Variants in KIAA0319L observed in about 807,000 individuals in gnomAD.
KIAA0319L encodes dyslexia-associated protein KIAA0319-like protein.
Under a neutral mutation model 120.1 loss-of-function variants are expected in KIAA0319L, and 55 were observed. That is an observed-to-expected ratio of 0.46 (90% CI 0.37 to 0.57). KIAA0319L has a LOEUF of 0.57. Ranked by LOEUF, KIAA0319L falls within the 20% of genes least tolerant of loss-of-function variation. The pLI, the probability that KIAA0319L is intolerant of heterozygous loss-of-function variation, is 0.00. For synonymous variants in KIAA0319L, 398 were observed against 471.9 expected, an observed-to-expected ratio of 0.84 and a Z score of 2.03; for missense variants, 1,049 against 1,255.3, an observed-to-expected ratio of 0.84 and a Z score of 2.48.
At chr1:35,469,013 T>C (rs537774526) in intron 6 of KIAA0319L, among the ~76,000 whole-genome samples, 16 of 152,178 alleles carry the variant, frequency 1.1e-4, no homozygotes, top group Non-Finnish European at 1.6e-4. Flanking sequence ...GCACATGGTA[T>C]GAATTCAATA....
Position 35,557,276 on chromosome 1 carries a change from G to A in KIAA0319L, c.-98C>T. The A allele has an allele frequency of 4.8e-6, 1 of 210,414 alleles. No homozygotes were observed. Among genetic ancestry groups the A allele is most frequent in the South Asian group, 5.3e-5 (1 of 19,024 alleles). The allele number at this position is 210,414 out of a possible 1,614,324, so 13.0% of individuals were successfully genotyped here. ...CCGCCTCCTCCTGGTCCATGGGCTC[G>A]GGGACCCCCAACCTTCGCTCCCCTC... is the stretch of plus-strand genomic sequence containing the variant. On this transcript the variant is annotated 5_prime_UTR_variant, in exon 1 of 21. Transcript: ENST00000325722.
At chr1:35,540,400 C>T (rs1482555847) in intron 2 of KIAA0319L, among the ~76,000 whole-genome samples, 1 of 152,190 alleles carries the variant, frequency 6.6e-6, no homozygotes, top group African/African-American at 2.4e-5. Flanking sequence ...AAACCTGATG[C>T]CAAAAGGGCA....
Position 35,506,850 on chromosome 1 carries a change from A to T in KIAA0319L, c.428T>A (p.Leu143Gln), listed in dbSNP as rs1469495379. The T allele has an allele frequency of 6.2e-7, 1 of 1,614,126 alleles. No homozygotes were observed. The highest frequency in any genetic ancestry group is 1.3e-5 in the African/African-American group (1 of 74,940). Residue 143 changes from leucine to glutamine, a missense_variant, in exon 3 of 21, where the codon CTA becomes CAA. Transcript: ENST00000325722. The surrounding 1 kb of genome is among the most constrained non-coding windows in gnomAD (Gnocchi z 4.0). ...KFQTADDLGF[L>Q]PEDDVPHLLG... Reference sequence around the variant, plus strand: ...AAGATGTGGTACATCATCTTCAGGTAGAAAGCCCAAATCATCTGCAGTTTG... The same window carrying T: ...AAGATGTGGTACATCATCTTCAGGTTGAAAGCCCAAATCATCTGCAGTTTG...
intron 3 of KIAA0319L, among the ~76,000 whole-genome samples, chr1:35,493,463 A>G (rs1433738756): frequency 6.6e-6 from 1 of 152,088 alleles, no homozygotes; most frequent in East Asian, 1.9e-4. Flanking sequence ...GCTGGGTGCC[A>G]GTGTACAGAT....
chr1:35,499,889 T>A (rs904765783), intron 3 of KIAA0319L, among the ~76,000 whole-genome samples: 8 of 152,168 alleles, frequency 5.3e-5, no homozygotes, highest in African/African-American at 1.9e-4. Context: ...ATTATCCCTC[T>A]GTGGCTGCCC....
intron 9 of KIAA0319L, 131 bp downstream of exon 9, chr1:35,460,174 A>G: frequency 1.3e-6 from 1 of 751,722 alleles, no homozygotes; most frequent in Non-Finnish European, 2.2e-6. Context: ...AACCAATGGA[A>G]CCAAAAGCTG....
chr1:35,484,655 T>C (rs903404553), intron 3 of KIAA0319L, among the ~76,000 whole-genome samples: 3 of 151,416 alleles, frequency 2.0e-5, no homozygotes, highest in Non-Finnish European at 2.9e-5. Context: ...TATAATTGGC[T>C]AGGACCTCTA....
intron 16 of KIAA0319L, among the ~76,000 whole-genome samples, chr1:35,446,537 T>C (rs1390166144): frequency 6.6e-6 from 1 of 152,176 alleles, no homozygotes; most frequent in African/African-American, 2.4e-5. Flanking sequence ...CTCACTATAG[T>C]TGCACTGATC....
At chr1:35,530,755 A>G (rs1490094529) in intron 2 of KIAA0319L, among the ~76,000 whole-genome samples, 1 of 152,154 alleles carries the variant, frequency 6.6e-6, no homozygotes, top group East Asian at 1.9e-4. Flanking sequence ...TTACAGATGT[A>G]TCTACAGTGT....
chr1:35,460,451 A>G lies in KIAA0319L; in HGVS notation c.1295-14T>C. 1 of 1,610,930 alleles carries G rather than the reference A, an allele frequency of 6.2e-7. No homozygotes were observed. Among genetic ancestry groups the G allele is most frequent in the Non-Finnish European group, 8.5e-7 (1 of 1,178,878 alleles). On this transcript the variant is annotated splice_polypyrimidine_tract_variant and intron_variant, in intron 8 of 20. Coordinates refer to ENST00000325722, the MANE Select transcript of KIAA0319L (RefSeq NM_024874.5). Reference sequence around the variant, plus strand: ...CATCAGTGCTTTCTTGACCATAAAGAAACATCAGTTACAACATGAGAACGC... The same window carrying G: ...CATCAGTGCTTTCTTGACCATAAAGGAACATCAGTTACAACATGAGAACGC...
At chr1:35,493,488 GATT>G (rs1644678766) in intron 3 of KIAA0319L, among the ~76,000 whole-genome samples, 1 of 151,918 alleles carries the variant, frequency 6.6e-6, no homozygotes, top group African/African-American at 2.4e-5. Context: ...CACATTTTTA[GATT>G]TTTTTAGAAT....
chr1:35,555,573 T>C (rs1225227029), intron 1 of KIAA0319L, among the ~76,000 whole-genome samples: 2 of 152,210 alleles, frequency 1.3e-5, no homozygotes, highest in Non-Finnish European at 2.9e-5. Flanking sequence ...TGTTTTGTAG[T>C]TGTATTTCAG....
rs758422917 is a variant in KIAA0319L at position 35,506,918 on chromosome 1, C to G, written c.360G>C (p.Arg120Ser). Residue 120 changes from arginine to serine, a missense_variant, in exon 3 of 21, where the codon AGG becomes AGC. Physicochemically the swap from Arg to Ser is moderately radical, Grantham distance 110. Coordinates refer to ENST00000325722, the MANE Select transcript of KIAA0319L (RefSeq NM_024874.5). This position sits in a 1 kb window ranked among gnomAD's most constrained non-coding sequence, Gnocchi z 4.0. ...CSRPQSCRAF[R>S]THSSNSMLVF... ...CCAGCATGGAATTGGAGGAGTGTGT[C>G]CTAAAAGCCCGGCAGCTCTGGGGCC... is the stretch of plus-strand genomic sequence containing the variant. The G allele has an allele frequency of 6.2e-7, 1 of 1,614,082 alleles. No individual in the cohort carries two copies. The highest frequency in any genetic ancestry group is 1.3e-5 in the African/African-American group (1 of 75,032).
At chr1:35,493,446 T>C (rs1361778932) in intron 3 of KIAA0319L, among the ~76,000 whole-genome samples, 1 of 152,128 alleles carries the variant, frequency 6.6e-6, no homozygotes, top group East Asian at 1.9e-4. Context: ...GCAAGATCTG[T>C]ACACTAGCTG....
rs952867445 is a variant in KIAA0319L at position 35,434,586 on chromosome 1, C to T, written c.*308G>A. On this transcript the variant is annotated 3_prime_UTR_variant, in exon 21 of 21. Transcript: ENST00000325722. ...CACAATGACACTGTCCACTGGGGAG[C>T]TGCAGAGCTTAGCAGCTGGCTGGGT... The T allele has an allele frequency of 2.8e-6, 1 of 353,304 alleles. No individual in the cohort carries two copies. Among genetic ancestry groups the T allele is most frequent in the Non-Finnish European group, 5.2e-6 (1 of 192,700 alleles). 21.9% of individuals were successfully genotyped at this position (353,304 alleles called of 1,614,324 possible). A position where few individuals can be genotyped will look rare whatever the true frequency, so the allele number is the denominator to read the frequency against.
intron 3 of KIAA0319L, among the ~76,000 whole-genome samples, chr1:35,505,963 A>G (rs1343975067): frequency 6.6e-6 from 1 of 152,260 alleles, no homozygotes; most frequent in East Asian, 1.9e-4. Context: ...AGTCACAGCA[A>G]TCAAGGAAGA....
intron 2 of KIAA0319L, among the ~76,000 whole-genome samples, chr1:35,522,661 A>G (rs1645971532): frequency 6.6e-6 from 1 of 152,142 alleles, no homozygotes; most frequent in African/African-American, 2.4e-5. Flanking sequence ...TAAACAAACA[A>G]AATTTTCAAT....
intron 2 of KIAA0319L, among the ~76,000 whole-genome samples, chr1:35,544,486 G>C (rs1324431786): frequency 1.3e-5 from 2 of 152,078 alleles, no homozygotes; most frequent in Non-Finnish European, 2.9e-5. Flanking sequence ...CGGAGGAAAG[G>C]CAGAGGATAT....
Position 35,456,011 on chromosome 1 carries a change from A to G in KIAA0319L, c.1656+2T>C. On this transcript the variant is annotated splice_donor_variant, in intron 10 of 20. Coordinates refer to ENST00000325722, the MANE Select transcript of KIAA0319L (RefSeq NM_024874.5). LOFTEE classifies it high-confidence loss of function. ...GAAAAAATAGGAACCATTCCCTCCT[A>G]CCTGCATCTCCACCACTTTCCCTTT... 1 of 1,607,686 alleles carries G rather than the reference A, an allele frequency of 6.2e-7. No individual in the cohort carries two copies. The highest frequency in any genetic ancestry group is 1.1e-5 in the South Asian group (1 of 90,628).
Sources: gnomAD v4.1 joint callset for allele counts (sites outside exome capture counted in the v4.1 genomes callset) on GRCh38, gnomAD v4.1.1 for gene constraint, Gnocchi (gnomAD v3.1) non-coding constraint, MANE v1.5 for transcripts, NCBI Gene and HGNC (gene_info 2026-07-23, HGNC 2026-07-21) for gene names.